Variants in NAT1 observed in about 807,000 individuals in gnomAD.
NAT1 encodes the protein arylamine N-acetyltransferase 1.
For synonymous variants in NAT1, 144 were observed against 122.6 expected, an observed-to-expected ratio of 1.17 and a Z score of -1.16; for missense variants, 400 against 339.2, an observed-to-expected ratio of 1.18 and a Z score of -1.41.
At chr8:18,176,262 C>T (rs1376084283) in intron 2 of NAT1, among the ~76,000 whole-genome samples, 1 of 152,026 alleles carries the variant, frequency 6.6e-6, no homozygotes, top group Non-Finnish European at 1.5e-5. Context: ...CTTTTGGAGT[C>T]CTGTCCAAGA....
intron 2 of NAT1, among the ~76,000 whole-genome samples, chr8:18,201,440 C>A (rs1315387960): frequency 3.3e-5 from 5 of 152,100 alleles, no homozygotes; most frequent in Non-Finnish European, 7.4e-5. Context: ...CATATGGTCC[C>A]ACACTACCTC....
chr8:18,215,070 T>C (rs1804496425), intron 1 of NAT1, among the ~76,000 whole-genome samples: 1 of 152,232 alleles, frequency 6.6e-6, no homozygotes, highest in Non-Finnish European at 1.5e-5. Context: ...TACCACATTT[T>C]CTTTATCCAG....
chr8:18,172,396 A>G (rs1802129653), intron 2 of NAT1, among the ~76,000 whole-genome samples: 1 of 152,218 alleles, frequency 6.6e-6, no homozygotes, highest in African/African-American at 2.4e-5. Context: ...TGGGAAAGTC[A>G]CCAGTGACCT....
chr8:18,184,337 G>C lies in NAT1; in HGVS notation n.92+13598G>C, dbSNP rs530363801. ...TCAGAGTCCTGAGACAGCCCTGATA[G>C]AGAGCAGCCCACGGAGGGCGCCCTG... On this transcript the variant is annotated intron_variant and non_coding_transcript_variant, in intron 2 of 4. Coordinates refer to the NAT1 transcript ENST00000517441. Among the ~76,000 whole-genome samples the C allele has an allele frequency of 8.5e-5, 13 of 152,222 alleles. No homozygotes were observed. In the South Asian group the frequency reaches 2.7e-3, roughly 32 times the overall value.
intron 2 of NAT1, among the ~76,000 whole-genome samples, chr8:18,177,100 G>GT (rs375215023): frequency 2.6e-5 from 4 of 151,892 alleles, no homozygotes; most frequent in African/African-American, 9.7e-5. Context: ...ACTTTTAACA[G>GT]TTTTTTTGGT....
In NAT1 at chr8:18,180,434, C is replaced by A. The variant is rs2410471; in HGVS notation, n.92+9695C>A. Among the ~76,000 whole-genome samples, 3 of 152,094 alleles carry A rather than the reference C, an allele frequency of 2.0e-5. No homozygotes were observed. The South Asian group carries it at 6.2e-4, about 32-fold the overall frequency. ...GAAGGAGAAACAAAGAAACAAAGAT[C>A]TATTGAGCACCTGCTCTGCTCCAGT... is the stretch of plus-strand genomic sequence containing the variant. On this transcript the variant is annotated intron_variant and non_coding_transcript_variant, in intron 2 of 4. Transcript: ENST00000517441.
chr8:18,206,946 C>T (rs1476487637), upstream of NAT1, among the ~76,000 whole-genome samples: 3 of 152,064 alleles, frequency 2.0e-5, no homozygotes, highest in African/African-American at 7.2e-5. Context: ...AATCTTTGCC[C>T]ATGTCTATTT....
intron 2 of NAT1, among the ~76,000 whole-genome samples, chr8:18,200,543 G>A (rs1354004782): frequency 1.3e-5 from 2 of 152,168 alleles, no homozygotes; most frequent in Non-Finnish European, 2.9e-5. Context: ...TAAGGGTAAA[G>A]GGTGGGAGGA....
chr8:18,221,834 G>A, intron 2 of NAT1: 2 of 446,068 alleles, frequency 4.5e-6, no homozygotes, highest in Non-Finnish European at 3.9e-6. Context: ...ACACTTGAAA[G>A]AAGACATAAT....
At position 18,216,381 on chromosome 8, in the gene NAT1, G is replaced by A. The variant is rs572292652; in HGVS notation, c.-85-3030G>A. ...GAGCAACCCCAAAAGCTTAGCGGCTGTCAGTGTAAATGTTTGCAGCCTTGT... is the reference window on the plus strand; with the variant it reads ...GAGCAACCCCAAAAGCTTAGCGGCTATCAGTGTAAATGTTTGCAGCCTTGT... On this transcript the variant is annotated intron_variant, in intron 1 of 2. Coordinates refer to ENST00000307719, the MANE Select transcript of NAT1 (RefSeq NM_000662.8). Among the ~76,000 whole-genome samples the A allele has an allele frequency of 1.8e-3, 271 of 152,296 alleles. 2 individuals carry two copies. Among genetic ancestry groups the A allele is most frequent in the African/African-American group, 6.2e-3 (256 of 41,552 alleles).
chr8:18,219,416 A>T lies in NAT1; in HGVS notation c.-80A>T. ...GTCTTTTCTCTTATTTCTAGAATTC[A>T]AGCCAGGAAGAAGCAGCAATCTGTC... On this transcript the variant is annotated 5_prime_UTR_variant, in exon 2 of 3. Coordinates refer to ENST00000307719, the MANE Select transcript of NAT1 (RefSeq NM_000662.8). The T allele has an allele frequency of 1.3e-6, 2 of 1,546,934 alleles. No homozygotes were observed. Among genetic ancestry groups the T allele is most frequent in the South Asian group, 2.4e-5 (2 of 83,170 alleles).
intron 2 of NAT1, among the ~76,000 whole-genome samples, chr8:18,173,886 A>G (rs1802191034): frequency 6.6e-6 from 1 of 152,116 alleles, no homozygotes; most frequent in Non-Finnish European, 1.5e-5. Context: ...ACCCCATATT[A>G]TAGTTATAGT....
chr8:18,176,721 A>T (rs957797410), intron 2 of NAT1, among the ~76,000 whole-genome samples: 1 of 151,896 alleles, frequency 6.6e-6, no homozygotes, highest in Non-Finnish European at 1.5e-5. Flanking sequence ...TTCCATATGC[A>T]TGTTAGGATT....
In NAT1 at chr8:18,184,036, G is replaced by A. The variant is rs147784032; in HGVS notation, n.92+13297G>A. ...TGGCTCTATGCTTTCAGGGTCCCGG[G>A]GCGGGGTGGTGGGGGGGTCCCTGTT... On this transcript the variant is annotated intron_variant and non_coding_transcript_variant, in intron 2 of 4. Coordinates refer to the NAT1 transcript ENST00000517441. Among the ~76,000 whole-genome samples the A allele has an allele frequency of 4.8e-4, 73 of 152,222 alleles. 1 individual carries two copies. The East Asian group carries it at 0.013, about 28-fold the overall frequency.
chr8:18,208,931 T>G (rs770486677), upstream of NAT1, among the ~76,000 whole-genome samples: 1 of 152,190 alleles, frequency 6.6e-6, no homozygotes, highest in African/African-American at 2.4e-5. Flanking sequence ...TTCAGGTAGA[T>G]TATTTGGAAG....
intron 1 of NAT1, among the ~76,000 whole-genome samples, chr8:18,210,850 G>C (rs6586713): frequency 0.87 from 132,767 of 152,262 alleles, 58,261 homozygotes; most frequent in African/African-American, 0.94. Flanking sequence ...TCTCAGCTTA[G>C]TGCATCCTCC....
chr8:18,216,501 T>C (rs1254326509), intron 1 of NAT1, among the ~76,000 whole-genome samples: 1 of 152,150 alleles, frequency 6.6e-6, no homozygotes, highest in Non-Finnish European at 1.5e-5. Flanking sequence ...TTACCTCTAG[T>C]AAGGAAACCA....
intron 2 of NAT1, among the ~76,000 whole-genome samples, chr8:18,171,381 G>T (rs1802092563): frequency 8.4e-6 from 1 of 119,436 alleles, no homozygotes; most frequent in Non-Finnish European, 1.9e-5. Context: ...AATCCAAATT[G>T]CCTCCTTAAA....
chr8:18,193,756 C>G (rs992648162), intron 2 of NAT1, among the ~76,000 whole-genome samples: 1 of 149,960 alleles, frequency 6.7e-6, no homozygotes, highest in Non-Finnish European at 1.5e-5. Flanking sequence ...ATTCTCCTGC[C>G]TTAGTCTCCT....
Sources: allele counts gnomAD v4.1 joint callset (sites outside exome capture counted in the v4.1 genomes callset), GRCh38; gene constraint gnomAD v4.1.1; transcripts MANE v1.5; gene names NCBI Gene and HGNC (gene_info 2026-07-23, HGNC 2026-07-21).